Variants in SEMA4D observed in about 807,000 individuals in gnomAD.
SEMA4D encodes semaphorin 4D.
In SEMA4D, 22 loss-of-function variants were observed where a neutral mutation model predicts 74.8. The observed-to-expected ratio is 0.29, with a 90% CI of 0.21 to 0.42. The LOEUF is 0.42. SEMA4D is among the 10% of genes least tolerant of loss of function. SEMA4D has a pLI of 1.00. For synonymous variants in SEMA4D, 445 were observed against 463.7 expected (o/e 0.96, Z 0.52); for missense variants, 937 against 1,118.4 (o/e 0.84, Z 2.31).
At chr9:89,450,933 G>C (rs1854349371) in intron 2 of SEMA4D, among the ~76,000 whole-genome samples, 1 of 152,074 alleles carries the variant, frequency 6.6e-6, no homozygotes, top group African/African-American at 2.4e-5. Context: ...ATCTGACTCT[G>C]GTCTTGGGAG....
At chr9:89,391,969 T>C (rs551910590) in intron 8 of SEMA4D, among the ~76,000 whole-genome samples, 196 of 152,276 alleles carry the variant, frequency 1.3e-3, no homozygotes, top group Non-Finnish European at 2.2e-3. Context: ...TTCCTGCACA[T>C]TGAAGACGGA....
intron 16 of SEMA4D, among the ~76,000 whole-genome samples, chr9:89,371,953 GT>G (rs1835004557): frequency 9.4e-6 from 1 of 106,864 alleles, no homozygotes; most frequent in African/African-American, 3.5e-5. Context: ...TGTGTGTGGG[GT>G]GTGGTGTGTG....
chr9:89,440,237 C>CG (rs1851400282), intron 2 of SEMA4D, among the ~76,000 whole-genome samples: 1 of 152,172 alleles, frequency 6.6e-6, no homozygotes, highest in Non-Finnish European at 1.5e-5. Flanking sequence ...GCTCCCTCCC[C>CG]GCCCCTGCCA....
Position 89,438,964 on chromosome 9 carries a change from CTT to C in SEMA4D, c.-244+16922_-244+16923del, listed in dbSNP as rs57394947. Reference sequence around the variant, plus strand: ...ATAGGTGTGAGCCACCGCACCGGGCCTTTTTTTTTTTTTTTTTTTTTTTTTTT... The same window carrying C: ...ATAGGTGTGAGCCACCGCACCGGGCCTTTTTTTTTTTTTTTTTTTTTTTTT... On this transcript the variant is annotated intron_variant, in intron 2 of 15. Coordinates refer to ENST00000422704, the MANE Select transcript of SEMA4D (RefSeq NM_001371194.2). Among the ~76,000 whole-genome samples the C allele has an allele frequency of 9.2e-3, 348 of 37,962 alleles. 2 individuals carry two copies. Among genetic ancestry groups the C allele is most frequent in the Middle Eastern group, 0.033 (1 of 30 alleles). 24.9% of individuals were successfully genotyped at this position (37,962 alleles called of 152,430 possible).
intron 16 of SEMA4D, among the ~76,000 whole-genome samples, chr9:89,371,419 GTGTC>G (rs1208700866): frequency 4.3e-5 from 5 of 116,204 alleles, no homozygotes; most frequent in Admixed American, 1.7e-4. Flanking sequence ...GGTGTGGTGT[GTGTC>G]TGGGGTGTGT....
At chr9:89,380,605 G>A (rs553629826) in intron 15 of SEMA4D, among the ~76,000 whole-genome samples, 1 of 152,278 alleles carries the variant, frequency 6.6e-6, no homozygotes, top group South Asian at 2.1e-4. Context: ...GCTGGGGAAG[G>A]GGCATCTGGC....
At chr9:89,443,748 C>G (rs1370376533) in intron 2 of SEMA4D, among the ~76,000 whole-genome samples, 1 of 152,236 alleles carries the variant, frequency 6.6e-6, no homozygotes. Flanking sequence ...ATGGGTGGGG[C>G]TGGGGTCACC....
chr9:89,438,731 T>C (rs960593486), intron 2 of SEMA4D, among the ~76,000 whole-genome samples: 5 of 151,878 alleles, frequency 3.3e-5, no homozygotes, highest in African/African-American at 9.7e-5. Flanking sequence ...AGTGGCGCAA[T>C]CTCGGCTCAC....
chr9:89,422,528 G>A (rs1847190998), intron 2 of SEMA4D, among the ~76,000 whole-genome samples: 1 of 152,242 alleles, frequency 6.6e-6, no homozygotes, highest in Non-Finnish European at 1.5e-5. Context: ...GGGCCCGCGT[G>A]GGTCACGTCC....
At chr9:89,450,746 G>A (rs1008718476) in intron 2 of SEMA4D, 152 of 1,337,230 alleles carry the variant, frequency 1.1e-4, no homozygotes, top group Non-Finnish European at 1.5e-4. Flanking sequence ...AAATGAAGCT[G>A]GGGACCAAGG....
At chr9:89,365,941 C>T (rs1833591316) in intron 16 of SEMA4D, among the ~76,000 whole-genome samples, 1 of 152,206 alleles carries the variant, frequency 6.6e-6, no homozygotes, top group African/African-American at 2.4e-5. Context: ...TCTTGGTCAA[C>T]AATTCCCCAC....
At chr9:89,382,498 G>C (rs1292730035) in intron 13 of SEMA4D, among the ~76,000 whole-genome samples, 35 of 152,126 alleles carry the variant, frequency 2.3e-4, no homozygotes, top group Non-Finnish European at 2.9e-5. Flanking sequence ...TGCGGACACA[G>C]ACCCACGAGA....
intron 2 of SEMA4D, among the ~76,000 whole-genome samples, chr9:89,410,698 G>C (rs1424778444): frequency 6.6e-6 from 1 of 152,132 alleles, no homozygotes; most frequent in Non-Finnish European, 1.5e-5. Flanking sequence ...AGAACAGAAG[G>C]ACCTGAGCTT....
At chr9:89,424,276 T>A (rs180892536) in intron 2 of SEMA4D, among the ~76,000 whole-genome samples, 1 of 152,168 alleles carries the variant, frequency 6.6e-6, no homozygotes, top group Non-Finnish European at 1.5e-5. Context: ...AAAATGGCAC[T>A]ATCCCCACAA....
intron 1 of SEMA4D, among the ~76,000 whole-genome samples, chr9:89,461,174 T>A (rs566608813): frequency 4.6e-5 from 7 of 152,150 alleles, no homozygotes; most frequent in African/African-American, 1.7e-4. Context: ...CCCTACAAAA[T>A]GACCAGAAAA....
chr9:89,497,830 A>C (rs1311354924), intron 1 of SEMA4D, 89 bp downstream of exon 1: 1 of 150,366 alleles, frequency 6.7e-6, no homozygotes, highest in African/African-American at 2.4e-5. Context: ...AGGGGTGTGG[A>C]GTGGGGGCTC....
At chr9:89,455,480 G>GAA (rs1321701990) in intron 2 of SEMA4D, among the ~76,000 whole-genome samples, 1 of 152,168 alleles carries the variant, frequency 6.6e-6, no homozygotes, top group African/African-American at 2.4e-5. Flanking sequence ...AACCCAATAT[G>GAA]AACTCCTAGG....
At chr9:89,434,224 G>C (rs897283962) in intron 2 of SEMA4D, among the ~76,000 whole-genome samples, 1 of 152,082 alleles carries the variant, frequency 6.6e-6, no homozygotes, top group Admixed American at 6.6e-5. Context: ...CTGTCTCCAC[G>C]ATGCATGCTG....
At chr9:89,454,309 A>G (rs1038126672) in intron 2 of SEMA4D, among the ~76,000 whole-genome samples, 1 of 152,106 alleles carries the variant, frequency 6.6e-6, no homozygotes, top group Admixed American at 6.5e-5. Flanking sequence ...GCCTTCTAAC[A>G]CAGACACACC....
Sources: gnomAD v4.1 joint callset for allele counts (sites outside exome capture counted in the v4.1 genomes callset) on GRCh38, gnomAD v4.1.1 for gene constraint, MANE v1.5 for transcripts, NCBI Gene and HGNC (gene_info 2026-07-23, HGNC 2026-07-21) for gene names.